Variants in MYO18B observed in about 807,000 individuals in gnomAD.
The protein encoded by MYO18B is unconventional myosin-XVIIIb.
MYO18B carries 204 observed loss-of-function variants against 273.0 expected under a neutral mutation model. The observed-to-expected ratio is 0.75, with a 90% CI of 0.67 to 0.84. MYO18B has a LOEUF of 0.84. Among genes scored for constraint, MYO18B ranks in the 40% least tolerant of loss-of-function variants. MYO18B has a pLI of 0.00. For synonymous variants in MYO18B, 1,330 were observed against 1,305.7 expected (o/e 1.02, Z -0.40); for missense variants, 3,212 against 3,287.6 (o/e 0.98, Z 0.56).
intron 33 of MYO18B, among the ~76,000 whole-genome samples, chr22:25,915,177 T>TGC (rs759467552): frequency 1.3e-5 from 2 of 152,040 alleles, no homozygotes; most frequent in Non-Finnish European, 2.9e-5. Flanking sequence ...TTAATAGGAG[T>TGC]GCTTGTAAAG....
intron 29 of MYO18B, chr22:25,899,677 C>A (rs2091889813): frequency 6.6e-6 from 1 of 152,166 alleles, no homozygotes; most frequent in Non-Finnish European, 1.5e-5. Context: ...ACTCTGTTCC[C>A]CTTTCCACCT....
intron 21 of MYO18B, among the ~76,000 whole-genome samples, chr22:25,854,624 G>A (rs1380134029): frequency 6.6e-6 from 1 of 152,028 alleles, no homozygotes. Flanking sequence ...TAACTTTTTC[G>A]TCTTGCAAAA....
In MYO18B at chr22:25,851,545, T is replaced by A; in HGVS notation, c.3851T>A (p.Leu1284His). ...CTGGACGCTCCACTCCTGAAGAAGC[T>A]CATGTCGACCTCCGAGGGAATAGAT... ...QVLDAPLLKK[L>H]MSTSEGIDER... is the part of the protein sequence containing the mutation. The change falls in exon 21 of 44, where the codon CTC becomes CAC. Residue 1284 changes from leucine (L) to histidine (H), a missense_variant. Leu to His is a moderately conservative substitution (Grantham distance 99). Transcript: ENST00000335473. 3.8e-6 allele frequency: 6 copies of A among 1,560,004 alleles called. No individual in the cohort carries two copies. Among genetic ancestry groups the A allele is most frequent in the Non-Finnish European group, 5.2e-6 (6 of 1,151,642 alleles).
At chr22:25,977,986 G>A (rs894150367) in intron 39 of MYO18B, among the ~76,000 whole-genome samples, 3 of 152,298 alleles carry the variant, frequency 2.0e-5, no homozygotes, top group African/African-American at 2.4e-5. Flanking sequence ...AAGACCTGCT[G>A]CATGCTACCC....
At chr22:25,770,274 G>A in intron 5 of MYO18B, 98 bp downstream of exon 5, 1 of 1,224,198 alleles carries the variant, frequency 8.2e-7, no homozygotes, top group Non-Finnish European at 1.2e-6. Flanking sequence ...ATACTTTGGT[G>A]GTCAGGAGGG....
At chr22:25,913,725 C>T (rs921762473) in intron 33 of MYO18B, among the ~76,000 whole-genome samples, 1 of 152,140 alleles carries the variant, frequency 6.6e-6, no homozygotes, top group African/African-American at 2.4e-5. Context: ...TCCTTTTTCT[C>T]TATTGATCAT....
At chr22:25,778,739 A>C (rs1314145115) in intron 8 of MYO18B, among the ~76,000 whole-genome samples, 1 of 150,132 alleles carries the variant, frequency 6.7e-6, no homozygotes, top group Non-Finnish European at 1.5e-5. Context: ...TGATCCACCC[A>C]CCTTGGCCTT....
chr22:25,910,895 T>A, intron 32 of MYO18B, 51 bp from the exon 33 acceptor site: 1 of 1,429,810 alleles, frequency 7.0e-7, no homozygotes, highest in East Asian at 2.5e-5. Flanking sequence ...GTAGGATGTG[T>A]CTGGATGGAG....
At chr22:25,757,031 G>A (rs1017901856) in intron 1 of MYO18B, among the ~76,000 whole-genome samples, 1 of 151,898 alleles carries the variant, frequency 6.6e-6, no homozygotes, top group Non-Finnish European at 1.5e-5. Flanking sequence ...ACTGCTCTCC[G>A]ACTTGGGCAA....
At chr22:25,879,151 G>A (rs938995753) in intron 25 of MYO18B, among the ~76,000 whole-genome samples, 6 of 152,198 alleles carry the variant, frequency 3.9e-5, no homozygotes, top group Non-Finnish European at 7.3e-5. Context: ...ACACAGCCAC[G>A]CTCATTCCTT....
At chr22:25,967,817 G>A (rs1444806648) in intron 39 of MYO18B, among the ~76,000 whole-genome samples, 1 of 152,172 alleles carries the variant, frequency 6.6e-6, no homozygotes, top group South Asian at 2.1e-4. Flanking sequence ...AATTCGGTGT[G>A]CTGGGGTCAA....
At position 25,754,456 on chromosome 22, in the gene MYO18B, G is replaced by T. The variant is rs562756962; in HGVS notation, c.-109-6528G>T. Among the ~76,000 whole-genome samples the T allele has an allele frequency of 6.6e-4, 101 of 152,236 alleles. 1 individual carries two copies. In the South Asian group the frequency reaches 0.02, roughly 30 times the overall value. ...TTACAACTGGACATTGTGGGGTAGT[G>T]GGGGAAAGCCTTGAGGGTCCCATGG... On this transcript the variant is annotated intron_variant, in intron 1 of 43. Coordinates refer to ENST00000335473, the MANE Select transcript of MYO18B (RefSeq NM_032608.7).
At chr22:25,938,962 C>T (rs774197559) in intron 34 of MYO18B, among the ~76,000 whole-genome samples, 6 of 152,124 alleles carry the variant, frequency 3.9e-5, no homozygotes, top group East Asian at 1.9e-4. Context: ...GGACTACAGG[C>T]GCTCCACCAT....
At chr22:25,996,571 GTGTA>G (rs1933267311) in intron 40 of MYO18B, among the ~76,000 whole-genome samples, 1 of 152,158 alleles carries the variant, frequency 6.6e-6, no homozygotes. Flanking sequence ...GTGTGTGTGT[GTGTA>G]TGTGTGTGAG....
chr22:25,849,679 G>A (rs542259345), intron 20 of MYO18B, among the ~76,000 whole-genome samples: 4 of 152,234 alleles, frequency 2.6e-5, no homozygotes, highest in South Asian at 4.1e-4. Flanking sequence ...GAAATGGTTT[G>A]GCCTTGATTC....
intron 10 of MYO18B, among the ~76,000 whole-genome samples, chr22:25,783,138 C>G (rs1427275868): frequency 1.3e-5 from 2 of 152,124 alleles, no homozygotes; most frequent in African/African-American, 4.8e-5. Context: ...TGTGTGTGTT[C>G]TTGTTTTTGG....
chr22:25,822,518 C>T (rs142584948), intron 12 of MYO18B, among the ~76,000 whole-genome samples: 1 of 152,308 alleles, frequency 6.6e-6, no homozygotes, highest in African/African-American at 2.4e-5. Context: ...GTCTGTCTTG[C>T]TCATTGATTT....
chr22:26,002,662 A>G (rs1168549425), intron 40 of MYO18B, among the ~76,000 whole-genome samples: 2 of 152,324 alleles, frequency 1.3e-5, no homozygotes, highest in East Asian at 3.9e-4. Context: ...GATTAGGAGC[A>G]TGAGCTTAAC....
At chr22:25,889,969 G>A (rs550254435) in intron 25 of MYO18B, among the ~76,000 whole-genome samples, 16 of 152,176 alleles carry the variant, frequency 1.1e-4, no homozygotes, top group African/African-American at 1.4e-4. Context: ...AGAGCAAATG[G>A]CAAAGTAATT....
Sources: allele counts gnomAD v4.1 joint callset (sites outside exome capture counted in the v4.1 genomes callset), GRCh38; gene constraint gnomAD v4.1.1; transcripts MANE v1.5; gene names NCBI Gene and HGNC (gene_info 2026-07-23, HGNC 2026-07-21).